Variants in ZNF469 observed in about 807,000 individuals in gnomAD.
ZNF469 encodes zinc finger protein 469.
Under a neutral mutation model 1.0 loss-of-function variants are expected in ZNF469, and 1 was observed. The ratio of observed to expected loss-of-function variants is 1.00; its 90% confidence interval spans 0.35 to 4.73. The LOEUF (loss-of-function observed/expected upper bound fraction) is 4.73, where lower values mean the gene tolerates loss of function less well. Among genes scored for constraint, ZNF469 ranks in the 30% most tolerant of loss-of-function variants. ZNF469 has a pLI of 0.16. For missense variants in ZNF469, 6,100 were observed against 5,356.3 expected (o/e 1.14, Z -4.33); for synonymous variants, 2,703 against 2,363.4 (o/e 1.14, Z -4.17).
At chr16:88,184,127 G>A in the ZNF469 span, among the ~76,000 whole-genome samples, 1 of 152,034 alleles carries the variant, frequency 6.6e-6, no homozygotes, top group Non-Finnish European at 1.5e-5. Flanking sequence ...TGTGGCCCCC[G>A]TGTAAACAGA....
At chr16:88,193,108 G>GTGGTGA in the ZNF469 span, among the ~76,000 whole-genome samples, 7 of 14,882 alleles carry the variant, frequency 4.7e-4, no homozygotes, top group Admixed American at 7.3e-4. Context: ...GTTGATGGTG[G>GTGGTGA]TGGTGGTGAT....
intron 1 of ZNF469, among the ~76,000 whole-genome samples, chr16:88,407,759 C>G (rs1031289556): frequency 6.6e-6 from 1 of 152,266 alleles, no homozygotes; most frequent in African/African-American, 2.4e-5. Flanking sequence ...ACCACAGGCC[C>G]TGCCAGTGCT....
At chr16:88,345,975 G>A in the ZNF469 span, among the ~76,000 whole-genome samples, 12 of 152,316 alleles carry the variant, frequency 7.9e-5, no homozygotes, top group East Asian at 2.1e-3. Flanking sequence ...GGAAAATGGC[G>A]CCATCTGTTC....
chr16:88,193,012 ATGGTGGTGG>A, the ZNF469 span, among the ~76,000 whole-genome samples: 1 of 10,304 alleles, frequency 9.7e-5, no homozygotes, highest in South Asian at 4.2e-3. Context: ...GATGGTGGTG[ATGGTGGTGG>A]TGGTGATGGT....
the ZNF469 span, among the ~76,000 whole-genome samples, chr16:88,154,223 T>A: frequency 6.6e-6 from 1 of 152,234 alleles, no homozygotes; most frequent in Non-Finnish European, 1.5e-5. Context: ...AGTGGCGTGA[T>A]CTCGGCTTAC....
the ZNF469 span, among the ~76,000 whole-genome samples, chr16:88,115,022 C>G: frequency 6.6e-6 from 1 of 152,198 alleles, no homozygotes; most frequent in Non-Finnish European, 1.5e-5. Context: ...ACTTAAAAAA[C>G]AACCACCAAC....
chr16:88,149,027 T>G, the ZNF469 span, among the ~76,000 whole-genome samples: 1 of 152,182 alleles, frequency 6.6e-6, no homozygotes, highest in East Asian at 1.9e-4. Context: ...GCTGTCTTTG[T>G]GCCTGCTCCA....
the ZNF469 span, among the ~76,000 whole-genome samples, chr16:88,179,221 C>T: frequency 5.9e-5 from 9 of 152,136 alleles, no homozygotes; most frequent in South Asian, 2.1e-4. Flanking sequence ...GTGAGGCCTA[C>T]GGGCGGGGGT....
the ZNF469 span, among the ~76,000 whole-genome samples, chr16:88,372,892 C>T: frequency 4.1e-4 from 62 of 152,232 alleles, no homozygotes; most frequent in African/African-American, 1.3e-3. Context: ...TCATCACCAC[C>T]ACTACCATCA....
the ZNF469 span, among the ~76,000 whole-genome samples, chr16:88,317,075 C>G: frequency 3.3e-5 from 5 of 152,300 alleles, no homozygotes; most frequent in Admixed American, 2.0e-4. Context: ...AGAGAGGGGC[C>G]GGCCGGCCAG....
the ZNF469 span, among the ~76,000 whole-genome samples, chr16:88,166,220 A>AAG: frequency 6.6e-6 from 1 of 152,114 alleles, no homozygotes; most frequent in African/African-American, 2.4e-5. The surrounding 1 kb of genome is among the most constrained non-coding windows in gnomAD (Gnocchi z 4.5). Flanking sequence ...CCACACACCC[A>AAG]CCACCTAAAT....
chr16:88,157,695 C>G, the ZNF469 span, among the ~76,000 whole-genome samples: 3 of 152,208 alleles, frequency 2.0e-5, no homozygotes, highest in African/African-American at 7.2e-5. Context: ...AAGAAATGCC[C>G]AGCTCCCCGC....
intron 1 of ZNF469, among the ~76,000 whole-genome samples, chr16:88,384,898 C>G (rs3935823): frequency 0.068 from 10,309 of 152,136 alleles, 437 homozygotes; most frequent in African/African-American, 0.11. Context: ...TGACCGGGAA[C>G]TCACTCCCCA....
the ZNF469 span, among the ~76,000 whole-genome samples, chr16:88,348,710 T>A: frequency 1.3e-5 from 2 of 152,180 alleles, no homozygotes; most frequent in African/African-American, 4.8e-5. Context: ...ATTTGGGGGC[T>A]GGGACCTGGG....
Position 88,439,709 on chromosome 16 carries a change from A to C in ZNF469, c.*377A>C. On this transcript the variant is annotated 3_prime_UTR_variant, in exon 3 of 3. Transcript: ENST00000565624. ...TTTGCACAACCTCCCGTTCCCCCAC[A>C]TGGAGAAGGGAAGTAAGTTGAGGCA... 1 of 295,014 alleles carries C rather than the reference A, an allele frequency of 3.4e-6. No individual in the cohort carries two copies. Among genetic ancestry groups the C allele is most frequent in the Non-Finnish European group, 6.5e-6 (1 of 154,364 alleles). The allele number at this position is 295,014 out of a possible 1,614,324, so 18.3% of individuals were successfully genotyped here. A position where few individuals can be genotyped will look rare whatever the true frequency, so the allele number is the denominator to read the frequency against.
At position 88,440,037 on chromosome 16, in the gene ZNF469, A is replaced by G. The variant is rs1405276110; in HGVS notation, c.*705A>G. The G allele has an allele frequency of 1.3e-5, 2 of 154,026 alleles. No individual in the cohort carries two copies. The highest frequency in any genetic ancestry group is 2.9e-5 in the Non-Finnish European group (2 of 69,398). 9.5% of individuals were successfully genotyped at this position (154,026 alleles called of 1,614,324 possible). Reference sequence around the variant, plus strand: ...ACTGGGAAGAAACCGCCCCTGTGCCAGCTCCCGCGGGCCCTCCTCGTTCCC... The same window carrying G: ...ACTGGGAAGAAACCGCCCCTGTGCCGGCTCCCGCGGGCCCTCCTCGTTCCC... On this transcript the variant is annotated 3_prime_UTR_variant, in exon 3 of 3. Transcript: ENST00000565624.
chr16:88,266,264 T>TG, the ZNF469 span, among the ~76,000 whole-genome samples: 1 of 152,036 alleles, frequency 6.6e-6, no homozygotes, highest in African/African-American at 2.4e-5. Context: ...ACTGGAGCTA[T>TG]GGGGGGACTT....
At chr16:88,389,333 G>C (rs1283253206) in intron 1 of ZNF469, among the ~76,000 whole-genome samples, 1 of 152,258 alleles carries the variant, frequency 6.6e-6, no homozygotes, top group African/African-American at 2.4e-5. Context: ...GCGGGAGTCG[G>C]CGCTTCCTTC....
At chr16:88,213,889 T>G in the ZNF469 span, among the ~76,000 whole-genome samples, 1 of 152,218 alleles carries the variant, frequency 6.6e-6, no homozygotes, top group African/African-American at 2.4e-5. Context: ...AAGAAATACT[T>G]CTGTTTGAAA....
Sources: gnomAD v4.1 joint callset for allele counts (sites outside exome capture counted in the v4.1 genomes callset) on GRCh38, gnomAD v4.1.1 for gene constraint, Gnocchi (gnomAD v3.1) non-coding constraint, MANE v1.5 for transcripts, NCBI Gene and HGNC (gene_info 2026-07-23, HGNC 2026-07-21) for gene names.